The following CTNNA3 variants were observed in gnomAD, a reference collection of about 807,000 sequenced individuals.
CTNNA3 encodes the protein catenin alpha 3, also known as catenin alpha-3.
Under a neutral mutation model 95.7 loss-of-function variants are expected in CTNNA3, and 76 were observed. The observed-to-expected ratio is 0.79, with a 90% CI of 0.66 to 0.96. CTNNA3 has a LOEUF of 0.96. CTNNA3 is among the 40% of genes least tolerant of loss of function. The pLI, the probability that CTNNA3 is intolerant of heterozygous loss-of-function variation, is 0.00. For synonymous variants in CTNNA3, 431 were observed against 374.4 expected (o/e 1.15, Z -1.74); for missense variants, 1,191 against 1,089.8 (o/e 1.09, Z -1.31).
chr10:66,638,484 C>A (rs1845410384), intron 9 of CTNNA3, among the ~76,000 whole-genome samples: 1 of 152,158 alleles, frequency 6.6e-6, no homozygotes. Context: ...CGGGGGCAGG[C>A]AATTATATTC....
Position 66,288,966 on chromosome 10 carries a change from C to A in CTNNA3, c.1733-8345G>T, listed in dbSNP as rs1275787668. On this transcript the variant is annotated intron_variant, in intron 12 of 17. Transcript: ENST00000433211. ...GGTATAAATATAGATGACTACTTAA[C>A]AACAAAAAACATAGTTTTCCTTGTA... Among the ~76,000 whole-genome samples, 3 of 151,880 alleles carry A rather than the reference C, an allele frequency of 2.0e-5. No homozygotes were observed. The East Asian group carries it at 5.8e-4, about 29-fold the overall frequency.
chr10:66,041,457 T>C (rs2079686770), intron 15 of CTNNA3, among the ~76,000 whole-genome samples: 1 of 152,250 alleles, frequency 6.6e-6, no homozygotes, highest in South Asian at 2.1e-4. Flanking sequence ...TTATGTAAGA[T>C]GTTACCTTAA....
chr10:66,831,130 A>G (rs905789763), intron 7 of CTNNA3, among the ~76,000 whole-genome samples: 4 of 152,172 alleles, frequency 2.6e-5, no homozygotes, highest in African/African-American at 9.7e-5. Flanking sequence ...GACTACTACA[A>G]TAATCAATCT....
chr10:67,279,397 A>C (rs982839075), intron 5 of CTNNA3, among the ~76,000 whole-genome samples: 2 of 152,174 alleles, frequency 1.3e-5, no homozygotes, highest in Non-Finnish European at 2.9e-5. Flanking sequence ...ATAAACATAA[A>C]ATCACCGAAA....
intron 10 of CTNNA3, among the ~76,000 whole-genome samples, chr10:66,559,120 G>A (rs1230853218): frequency 6.6e-6 from 1 of 151,862 alleles, no homozygotes; most frequent in Non-Finnish European, 1.5e-5. Flanking sequence ...TTTTTCCTTT[G>A]CACCAGAACC....
intron 9 of CTNNA3, among the ~76,000 whole-genome samples, chr10:66,633,162 G>T (rs10997274): frequency 0.25 from 38,329 of 151,996 alleles, 5,351 homozygotes; most frequent in African/African-American, 0.36. Context: ...CAATTTAATG[G>T]AATCTGTCAT....
At chr10:67,719,299 T>C (rs1270173983) in intron 1 of CTNNA3, among the ~76,000 whole-genome samples, 1 of 152,136 alleles carries the variant, frequency 6.6e-6, no homozygotes, top group Non-Finnish European at 1.5e-5. Flanking sequence ...CTCTATCTCC[T>C]TCAGTTCTTC....
Position 66,069,290 on chromosome 10 carries a change from C to T in CTNNA3, c.2159+18G>A, listed in dbSNP as rs1274715285. On this transcript the variant is annotated intron_variant, in intron 15 of 17. Coordinates refer to ENST00000433211, the MANE Select transcript of CTNNA3 (RefSeq NM_013266.4). The stretch of plus-strand genomic sequence containing the variant: ...TTCAGCCATTATGAATATTACACAT[C>T]GTTTTCCACATAATTACCTAGTGAA... The T allele has an allele frequency of 5.0e-6, 8 of 1,608,118 alleles. No homozygotes were observed. The highest frequency in any genetic ancestry group is 1.3e-5 in the African/African-American group (1 of 74,786).
chr10:66,285,925 T>C (rs10430507), intron 12 of CTNNA3, among the ~76,000 whole-genome samples: 60,131 of 151,660 alleles, frequency 0.4, 12,071 homozygotes, highest in African/African-American at 0.45. Flanking sequence ...TTTTTTTCTA[T>C]GTAAGTTGTA....
Position 66,996,649 on chromosome 10 carries a change from C to CAAAAA in CTNNA3, c.1047+183663_1047+183667dup, listed in dbSNP as rs57025097. ...GTGAGAGAGTGAGACTCCGTCTCTA[C>CAAAAA]AAAAAAAAAAAAAAAAAAAAAAGCA... On this transcript the variant is annotated intron_variant, in intron 7 of 17. Coordinates refer to ENST00000433211, the MANE Select transcript of CTNNA3 (RefSeq NM_013266.4). 2.4e-3 allele frequency among the ~76,000 whole-genome samples: 160 copies of CAAAAA among 67,620 alleles called. 17 individuals are homozygous for CAAAAA. The highest frequency in any genetic ancestry group is 7.7e-3 in the African/African-American group (130 of 16,842). 44.4% of individuals were successfully genotyped at this position (67,620 alleles called of 152,430 possible). A position where few individuals can be genotyped will look rare whatever the true frequency, so the allele number is the denominator to read the frequency against.
At chr10:66,211,223 T>C (rs540258906) in intron 13 of CTNNA3, among the ~76,000 whole-genome samples, 2 of 152,206 alleles carry the variant, frequency 1.3e-5, no homozygotes, top group East Asian at 1.9e-4. Context: ...CGTGAACATA[T>C]AATGGATGCA....
At chr10:66,681,085 C>T (rs961663617) in intron 9 of CTNNA3, among the ~76,000 whole-genome samples, 3 of 152,116 alleles carry the variant, frequency 2.0e-5, no homozygotes, top group African/African-American at 7.2e-5. Context: ...CAGTTTGTGC[C>T]ATGGCTGGAG....
chr10:66,268,740 T>C (rs889882797), intron 13 of CTNNA3, among the ~76,000 whole-genome samples: 6 of 152,122 alleles, frequency 3.9e-5, no homozygotes, highest in African/African-American at 1.4e-4. Context: ...TTTATTCAGG[T>C]CCTTTTGATG....
intron 3 of CTNNA3, among the ~76,000 whole-genome samples, chr10:67,570,942 T>A (rs1193659293): frequency 6.6e-6 from 1 of 152,166 alleles, no homozygotes; most frequent in Non-Finnish European, 1.5e-5. Context: ...CTTGGAATGA[T>A]AAATTTGGAA....
At chr10:66,281,227 C>G (rs1210886616) in intron 12 of CTNNA3, among the ~76,000 whole-genome samples, 1 of 151,948 alleles carries the variant, frequency 6.6e-6, no homozygotes, top group Admixed American at 6.6e-5. Context: ...AAAACACTGA[C>G]TGACTATAGG....
intron 10 of CTNNA3, among the ~76,000 whole-genome samples, chr10:66,606,656 A>C (rs1231200655): frequency 1.3e-5 from 2 of 152,184 alleles, no homozygotes; most frequent in Non-Finnish European, 2.9e-5. Flanking sequence ...TACATGAATA[A>C]CCTACTCCCA....
intron 11 of CTNNA3, among the ~76,000 whole-genome samples, chr10:66,431,822 C>T (rs7909558): frequency 0.12 from 17,603 of 151,216 alleles, 1,513 homozygotes; most frequent in African/African-American, 0.24. Context: ...GGGTGCAGCA[C>T]ACCAACATGG....
At chr10:66,268,414 C>T (rs1042239213) in intron 13 of CTNNA3, among the ~76,000 whole-genome samples, 3 of 152,166 alleles carry the variant, frequency 2.0e-5, no homozygotes, top group Middle Eastern at 3.4e-3. Flanking sequence ...ACAAAAAGCC[C>T]GACTATCCAG....
intron 11 of CTNNA3, among the ~76,000 whole-genome samples, chr10:66,507,978 C>A (rs957295238): frequency 1.3e-5 from 2 of 152,012 alleles, no homozygotes; most frequent in Non-Finnish European, 2.9e-5. Flanking sequence ...ACTAACAGTA[C>A]ATAAGAATTC....
Sources: allele counts gnomAD v4.1 joint callset (sites outside exome capture counted in the v4.1 genomes callset), GRCh38; gene constraint gnomAD v4.1.1; transcripts MANE v1.5; gene names NCBI Gene and HGNC (gene_info 2026-07-23, HGNC 2026-07-21).